ZSWIM6: variants seen among roughly 807,000 people sequenced by gnomAD.
The protein encoded by ZSWIM6 is zinc finger SWIM-type containing 6.
In ZSWIM6, 9 loss-of-function variants were observed where a neutral mutation model predicts 113.2. The observed-to-expected ratio is 0.08, with a 90% confidence interval of 0.05 to 0.14. The LOEUF (loss-of-function observed/expected upper bound fraction) is 0.14, where lower values mean the gene tolerates loss of function less well. ZSWIM6 is among the 10% of genes least tolerant of loss of function. The pLI is 1.00. For missense variants in ZSWIM6, 1,162 were observed against 1,552.2 expected (o/e 0.75, Z 4.22); for synonymous variants, 611 against 606.5 (o/e 1.01, Z -0.11).
chr5:61,542,155 A>C (rs576294098), intron 13 of ZSWIM6, among the ~76,000 whole-genome samples, 190 bp downstream of exon 13: 17 of 152,238 alleles, frequency 1.1e-4, no homozygotes, highest in Non-Finnish European at 1.2e-4. Flanking sequence ...TGTATTATTC[A>C]ACTTGAAATG....
At chr5:61,427,327 A>G (rs77328955) in intron 1 of ZSWIM6, among the ~76,000 whole-genome samples, 3,481 of 152,268 alleles carry the variant, frequency 0.023, 159 homozygotes, top group East Asian at 0.2. Flanking sequence ...TGCATGTAAC[A>G]TATGTATATT....
intron 1 of ZSWIM6, among the ~76,000 whole-genome samples, chr5:61,383,970 G>C (rs1441544577): frequency 1.3e-5 from 2 of 151,386 alleles, no homozygotes; most frequent in Non-Finnish European, 2.9e-5. Flanking sequence ...GGCCGGGCGC[G>C]GTGGCTCACG....
In ZSWIM6 at chr5:61,497,103, C is replaced by T. The variant is rs1314028849; in HGVS notation, c.1333+2693C>T. Among the ~76,000 whole-genome samples the T allele has an allele frequency of 2.5e-5, 3 of 122,016 alleles. No individual in the cohort carries two copies. The East Asian group carries it at 6.5e-4, about 26-fold the overall frequency. The allele number at this position is 122,016 out of a possible 152,430, so 80.0% of individuals were successfully genotyped here. ...CCATTTCTGGCAGTGACCAGTACAC[C>T]AGGAAAAAAAAAAAAAAAAAAGATT... On this transcript the variant is annotated intron_variant, in intron 4 of 13. Transcript: ENST00000252744.
rs1207286261 is a variant in ZSWIM6 at position 61,332,733 on chromosome 5, G to GCTC, written c.465_467dup (p.Ser158dup). Reference sequence around the variant, plus strand: ...GGCGCGGGCGGCGGCGGCGGCGGCGGCTCCTCGTCTTCCCCGGCCGCAACC... The same window carrying GCTC: ...GGCGCGGGCGGCGGCGGCGGCGGCGGCTCCTCCTCGTCTTCCCCGGCCGCAACC... On this transcript the variant is annotated inframe_insertion, in exon 1 of 14. Transcript: ENST00000252744. 1 of 964,254 alleles carries GCTC rather than the reference G, an allele frequency of 1.0e-6. No individual in the cohort carries two copies. The highest frequency in any genetic ancestry group is 1.2e-6 in the Non-Finnish European group (1 of 816,542). 59.7% of individuals were successfully genotyped at this position (964,254 alleles called of 1,614,324 possible). A position where few individuals can be genotyped will look rare whatever the true frequency, so the allele number is the denominator to read the frequency against.
chr5:61,439,058 A>C (rs1311248513), intron 1 of ZSWIM6, among the ~76,000 whole-genome samples: 1 of 152,208 alleles, frequency 6.6e-6, no homozygotes, highest in Non-Finnish European at 1.5e-5. Flanking sequence ...TTTTAAGAAA[A>C]TTCCTATTAA....
chr5:61,365,528 C>T (rs903113485), intron 1 of ZSWIM6, among the ~76,000 whole-genome samples: 1 of 152,026 alleles, frequency 6.6e-6, no homozygotes, highest in African/African-American at 2.4e-5. Context: ...ACTTTGTTTC[C>T]GATTTGACAG....
intron 1 of ZSWIM6, chr5:61,375,060 T>C (rs1286033462): frequency 1.3e-6 from 2 of 1,524,488 alleles, no homozygotes; most frequent in African/African-American, 2.7e-5. Flanking sequence ...AAAGGGTAAG[T>C]CTCTCCGGCC....
Position 61,485,944 on chromosome 5 carries a change from A to G in ZSWIM6, c.1034-4842A>G, listed in dbSNP as rs1157489671. ...CATGTAAGCTCTTTTATAAACCTCAATATTTATATGTATTTTGTTTATTAT... is the reference window on the plus strand; with the variant it reads ...CATGTAAGCTCTTTTATAAACCTCAGTATTTATATGTATTTTGTTTATTAT... On this transcript the variant is annotated intron_variant, in intron 2 of 13. Transcript: ENST00000252744. Among the ~76,000 whole-genome samples, 7 of 152,264 alleles carry G rather than the reference A, an allele frequency of 4.6e-5. No individual in the cohort carries two copies. In the East Asian group the frequency reaches 1.2e-3, roughly 25 times the overall value.
intron 4 of ZSWIM6, among the ~76,000 whole-genome samples, chr5:61,500,652 G>A (rs1277532762): frequency 6.6e-6 from 1 of 151,980 alleles, no homozygotes; most frequent in Non-Finnish European, 1.5e-5. Context: ...CTAACTTCAG[G>A]TTCTTTGAGA....
chr5:61,449,875 T>A (rs1202415182), intron 1 of ZSWIM6, among the ~76,000 whole-genome samples: 11 of 152,140 alleles, frequency 7.2e-5, no homozygotes, highest in African/African-American at 2.7e-4. Flanking sequence ...TCTCCAGGTG[T>A]GACCAGGCAG....
chr5:61,371,628 G>A, intron 1 of ZSWIM6, among the ~76,000 whole-genome samples: 1 of 152,140 alleles, frequency 6.6e-6, no homozygotes, highest in East Asian at 1.9e-4. Flanking sequence ...ATAGGAATCT[G>A]TACCTCGGGA....
At chr5:61,401,586 G>C (rs1464483331) in intron 1 of ZSWIM6, among the ~76,000 whole-genome samples, 2 of 152,066 alleles carry the variant, frequency 1.3e-5, no homozygotes, top group African/African-American at 4.8e-5. Flanking sequence ...CTGAAAAATA[G>C]CTAGTAAAAA....
chr5:61,493,686 T>C (rs1482555016), intron 3 of ZSWIM6, among the ~76,000 whole-genome samples: 1 of 152,174 alleles, frequency 6.6e-6, no homozygotes, highest in Non-Finnish European at 1.5e-5. Flanking sequence ...TCTTATTTTA[T>C]GCAAGGAAAC....
intron 1 of ZSWIM6, among the ~76,000 whole-genome samples, chr5:61,360,152 T>C (rs989619595): frequency 3.3e-5 from 5 of 152,232 alleles, no homozygotes; most frequent in Admixed American, 1.3e-4. Flanking sequence ...TTGGTTCTGC[T>C]GCTTTGGAGC....
In ZSWIM6 at chr5:61,545,580, A is replaced by T. The variant is rs765631669; in HGVS notation, c.*1263A>T. ...ACAAATAACATTATATATATTATAT[A>T]TCTATTCTGCATAGGTATTTTGACT... On this transcript the variant is annotated 3_prime_UTR_variant, in exon 14 of 14. Transcript: ENST00000252744. 3.3e-5 allele frequency: 5 copies of T among 152,196 alleles called. No homozygotes were observed. Among genetic ancestry groups the T allele is most frequent in the Non-Finnish European group, 5.9e-5 (4 of 68,042 alleles). The allele number at this position is 152,196 out of a possible 1,614,324, so 9.4% of individuals were successfully genotyped here.
rs1329466459 is a variant in ZSWIM6, at chr5:61,467,608, A to G, written c.677-5073A>G. Among the ~76,000 whole-genome samples, 4 of 152,336 alleles carry G rather than the reference A, an allele frequency of 2.6e-5. No homozygotes were observed. In the East Asian group the frequency reaches 7.7e-4, roughly 29 times the overall value. On this transcript the variant is annotated intron_variant, in intron 1 of 13. Coordinates refer to ENST00000252744, the MANE Select transcript of ZSWIM6 (RefSeq NM_020928.2). ...GACCTCTTAGGGGTCCCAGGACCAT[A>G]CATTGAGAATCATTGCATTATAACA...
intron 7 of ZSWIM6, among the ~76,000 whole-genome samples, chr5:61,529,590 G>A (rs1749376029): frequency 6.6e-6 from 1 of 152,196 alleles, no homozygotes; most frequent in African/African-American, 2.4e-5. Flanking sequence ...ATTTAGAGAG[G>A]TCTCTTCTGC....
intron 1 of ZSWIM6, among the ~76,000 whole-genome samples, chr5:61,411,839 A>C (rs1158126049): frequency 1.3e-5 from 2 of 152,216 alleles, no homozygotes; most frequent in Non-Finnish European, 2.9e-5. Context: ...TAACCTTGTA[A>C]AGGCGGCACA....
chr5:61,401,644 A>G (rs1745940252), intron 1 of ZSWIM6, among the ~76,000 whole-genome samples: 1 of 152,178 alleles, frequency 6.6e-6, no homozygotes, highest in African/African-American at 2.4e-5. Flanking sequence ...CAGAAATACT[A>G]CATAAATTAT....
Sources: allele counts gnomAD v4.1 joint callset (sites outside exome capture counted in the v4.1 genomes callset), GRCh38; gene constraint gnomAD v4.1.1; transcripts MANE v1.5; gene names NCBI Gene and HGNC (gene_info 2026-07-23, HGNC 2026-07-21).